The following NOTCH1 variants were observed in gnomAD, a reference collection of about 807,000 sequenced individuals.
The protein encoded by NOTCH1 is neurogenic locus notch homolog protein 1.
Under a neutral mutation model 254.8 loss-of-function variants are expected in NOTCH1, and 37 were observed. That is an observed-to-expected ratio of 0.15 (90% CI 0.11 to 0.19). The LOEUF is 0.19. NOTCH1 is among the 10% of genes least tolerant of loss of function. The pLI, the probability that NOTCH1 is intolerant of heterozygous loss-of-function variation, is 1.00. For missense variants in NOTCH1, 2,972 were observed against 3,708.6 expected (o/e 0.80, Z 5.16); for synonymous variants, 1,731 against 1,618.1 (o/e 1.07, Z -1.68).
Position 136,513,464 on chromosome 9 carries a change from G to A in NOTCH1, c.2281C>T (p.Pro761Ser). Residue 761 changes from proline to serine, a missense_variant, in exon 14 of 34, where the codon CCT (proline) becomes TCT (serine). Pro to Ser is a moderately conservative substitution (Grantham distance 74). Transcript: ENST00000651671. This position sits in a 1 kb window ranked among gnomAD's most constrained non-coding sequence, Gnocchi z 4.7. ...TTGCAGGTGCCGCCGTTGACACAAGGGTTGGATTCACACTCATTGTTGTTG... is the reference window on the plus strand; with the variant it reads ...TTGCAGGTGCCGCCGTTGACACAAGAGTTGGATTCACACTCATTGTTGTTG... Reference protein sequence around the residue: ...DINNNECESNPCVNGGTCKDM... With the variant: ...DINNNECESNSCVNGGTCKDM... 1 of 1,613,236 alleles carries A rather than the reference G, an allele frequency of 6.2e-7. No homozygotes were observed. The highest frequency in any genetic ancestry group is 8.5e-7 in the Non-Finnish European group (1 of 1,180,010).
rs779161777 is a variant in NOTCH1 at position 136,509,966 on chromosome 9, G to A, written c.2741-5C>T. ...AGCCCCCGTTGTGACACGGGTCTGG[G>A]AGAGGACGGAAGGGTGAGTGTGAGG... On this transcript the variant is annotated splice_region_variant and splice_polypyrimidine_tract_variant and intron_variant, in intron 17 of 33. Transcript: ENST00000651671. The A allele has an allele frequency of 1.2e-6, 2 of 1,612,458 alleles. No homozygotes were observed. The highest frequency in any genetic ancestry group is 2.2e-5 in the South Asian group (2 of 91,082).
intron 2 of NOTCH1, among the ~76,000 whole-genome samples, chr9:136,538,264 C>T (rs1351146851): frequency 6.6e-6 from 1 of 152,134 alleles, no homozygotes; most frequent in Non-Finnish European, 1.5e-5. Flanking sequence ...TCCCTCCACC[C>T]TCCCACCCCT....
chr9:136,511,224 T>C lies in NOTCH1; in HGVS notation c.2515A>G (p.Arg839Gly), dbSNP rs1843176778. 1 of 1,612,640 alleles carries C rather than the reference T, an allele frequency of 6.2e-7. No homozygotes were observed. Among genetic ancestry groups the C allele is most frequent in the African/African-American group, 1.3e-5 (1 of 74,916 alleles). Residue 839 changes from arginine (R) to glycine (G), a missense_variant, in exon 16 of 34, where the codon AGA becomes GGA. Coordinates refer to ENST00000651671, the MANE Select transcript of NOTCH1 (RefSeq NM_017617.5). ...GATTGCCTGCACTCCCCGCCGTTTC[T>C]GCAGGGGCTGGGGGCACACGGGGCC... Reference protein sequence around the residue: ...VLAPCAPSPCRNGGECRQSED... With the variant: ...VLAPCAPSPCGNGGECRQSED...
intron 33 of NOTCH1, among the ~76,000 whole-genome samples, chr9:136,498,034 G>C (rs1460831924): frequency 6.6e-6 from 1 of 152,086 alleles, no homozygotes; most frequent in East Asian, 1.9e-4. Context: ...ACACGTCACA[G>C]GTCTGGGTGA....
chr9:136,511,045 C>A, intron 16 of NOTCH1, 107 bp downstream of exon 16: 1 of 1,547,770 alleles, frequency 6.5e-7, no homozygotes, highest in Non-Finnish European at 8.8e-7. Context: ...CCTCAGCACC[C>A]ACCAGCTCCT....
chr9:136,518,091 C>T, intron 7 of NOTCH1, 46 bp downstream of exon 7: 1 of 1,559,544 alleles, frequency 6.4e-7, no homozygotes, highest in Non-Finnish European at 8.6e-7. Flanking sequence ...GTTCTGGGGC[C>T]AGGCTGCCAC....
At chr9:136,543,673 G>T (rs1371193765) in intron 2 of NOTCH1, 2 of 436,288 alleles carry the variant, frequency 4.6e-6, no homozygotes, top group Admixed American at 3.5e-5. Context: ...GGGTGGTGGG[G>T]GCTGGGCCTC....
rs755122664 is a variant in NOTCH1 at position 136,502,258 on chromosome 9, C to T, written c.5384+14G>A. 346 of 1,607,360 alleles carry T rather than the reference C, an allele frequency of 2.2e-4. 1 individual carries two copies. Among genetic ancestry groups the T allele is most frequent in the East Asian group, 3.8e-4 (17 of 44,540 alleles). On this transcript the variant is annotated intron_variant, in intron 28 of 33. Coordinates refer to ENST00000651671, the MANE Select transcript of NOTCH1 (RefSeq NM_017617.5). ...CCCACCGGGGACCCAGAAGCAGGGG[C>T]GGCGTCCGCTCACTTGAGGCCCACG...
chr9:136,538,904 T>C (rs1173862506), intron 2 of NOTCH1, among the ~76,000 whole-genome samples: 2 of 152,200 alleles, frequency 1.3e-5, no homozygotes, highest in East Asian at 1.9e-4. Context: ...CTTTCACTAT[T>C]TATAGACGAG....
chr9:136,532,089 G>T (rs1843571357), intron 2 of NOTCH1, among the ~76,000 whole-genome samples: 1 of 152,210 alleles, frequency 6.6e-6, no homozygotes, highest in Non-Finnish European at 1.5e-5. Flanking sequence ...CCCCACACTT[G>T]GGAAGTGGGA....
At chr9:136,533,343 G>T (rs375650244) in intron 2 of NOTCH1, among the ~76,000 whole-genome samples, 45 of 47,762 alleles carry the variant, frequency 9.4e-4, no homozygotes, top group Admixed American at 1.2e-3. Flanking sequence ...AAGCCGTCAG[G>T]GAAACCACAC....
At position 136,502,002 on chromosome 9, in the gene NOTCH1, C is replaced by A. The variant is rs765309913; in HGVS notation, c.5471G>T (p.Arg1824Leu). 1 of 1,613,028 alleles carries A rather than the reference C, an allele frequency of 6.2e-7. No individual in the cohort carries two copies. Among genetic ancestry groups the A allele is most frequent in the Non-Finnish European group, 8.5e-7 (1 of 1,179,966 alleles). Residue 1824 changes from arginine to leucine, a missense_variant and splice_region_variant, in exon 29 of 34, where the codon CGG (arginine) becomes CTG (leucine). Transcript: ENST00000651671. ...GAGCCCGGGAGCCTCGCGACTCACCCGGAACTTCTTGGTCTCCAGGTCCTC... is the reference window on the plus strand; with the variant it reads ...GAGCCCGGGAGCCTCGCGACTCACCAGGAACTTCTTGGTCTCCAGGTCCTC... The part of the protein sequence containing the change: ...GDEDLETKKF[R>L]FEEPVVLPDL...
Position 136,519,530 on chromosome 9 carries a change from C to T in NOTCH1, c.778G>A (p.Asp260Asn), listed in dbSNP as rs969073541. The T allele has an allele frequency of 1.9e-6, 3 of 1,613,004 alleles. No homozygotes were observed. Among genetic ancestry groups the T allele is most frequent in the South Asian group, 1.1e-5 (1 of 91,090 alleles). ...TGQNCEENID[D>N]CPGNNCKNGG... ...TTCTTGCAGTTGTTTCCTGGACAATCGTCGATATTTTCCTCACAGTTCTGG... is the reference window on the plus strand; with the variant it reads ...TTCTTGCAGTTGTTTCCTGGACAATTGTCGATATTTTCCTCACAGTTCTGG... Residue 260 changes from aspartate to asparagine, a missense_variant, in exon 5 of 34, where the codon GAT (aspartate) becomes AAT (asparagine). Around this residue, in one of 8 missense-constraint regions of NOTCH1, gnomAD observed 374 missense variants for 496.3 expected, o/e 0.75. Coordinates refer to ENST00000651671, the MANE Select transcript of NOTCH1 (RefSeq NM_017617.5).
chr9:136,542,652 T>C (rs537326669), intron 2 of NOTCH1, among the ~76,000 whole-genome samples: 5 of 133,652 alleles, frequency 3.7e-5, no homozygotes, highest in Non-Finnish European at 8.1e-5. Flanking sequence ...TGGCTTCAGT[T>C]TGGGGAGGGT....
chr9:136,507,568 G>A (rs1055196116), intron 21 of NOTCH1, 131 bp from the exon 22 acceptor site: 15 of 1,285,176 alleles, frequency 1.2e-5, no homozygotes, highest in Admixed American at 4.0e-5. Flanking sequence ...CGGGCCCCTC[G>A]CTCCTGTCAG....
At chr9:136,521,915 C>T (rs1843371915) in intron 4 of NOTCH1, among the ~76,000 whole-genome samples, 1 of 152,230 alleles carries the variant, frequency 6.6e-6, no homozygotes, top group African/African-American at 2.4e-5. Flanking sequence ...ATGCCCTCTC[C>T]CCATTCCCAC....
chr9:136,524,915 C>T (rs910585170), intron 2 of NOTCH1, among the ~76,000 whole-genome samples: 89 of 152,246 alleles, frequency 5.8e-4, no homozygotes, highest in Admixed American at 1.4e-3. Context: ...GGATTACAGG[C>T]GTAAGCCACC....
chr9:136,510,534 C>T (rs1843162368), intron 17 of NOTCH1, 119 bp downstream of exon 17: 2 of 1,375,412 alleles, frequency 1.5e-6, no homozygotes, highest in Admixed American at 4.0e-5. Context: ...CCCAACCCTC[C>T]CCGGCCACAC....
At chr9:136,499,362 A>G (rs749114774) in intron 31 of NOTCH1, 103 bp from the exon 32 acceptor site, 1 of 1,488,418 alleles carries the variant, frequency 6.7e-7, no homozygotes, top group Non-Finnish European at 9.1e-7. Context: ...TCTTCCGGAC[A>G]CAGACGAGAC....
Sources: allele counts gnomAD v4.1 joint callset (sites outside exome capture counted in the v4.1 genomes callset), GRCh38; gene constraint gnomAD v4.1.1; regional missense constraint gnomAD v4.1.1; non-coding constraint Gnocchi (gnomAD v3.1); transcripts MANE v1.5; gene names NCBI Gene and HGNC (gene_info 2026-07-23, HGNC 2026-07-21).